IL1RAPL1: variants seen among roughly 807,000 people sequenced by gnomAD.
The protein encoded by IL1RAPL1 is interleukin 1 receptor accessory protein like 1.
In IL1RAPL1, 3 loss-of-function variants were observed where a neutral mutation model predicts 48.4. The ratio of observed to expected loss-of-function variants is 0.06; its 90% confidence interval spans 0.03 to 0.16. IL1RAPL1 has a LOEUF of 0.16. Among genes scored for constraint, IL1RAPL1 ranks in the 10% least tolerant of loss-of-function variants. IL1RAPL1 has a pLI of 1.00. For missense variants in IL1RAPL1, 349 were observed against 530.6 expected, an observed-to-expected ratio of 0.66 and a Z score of 3.36; for synonymous variants, 185 against 187.7, an observed-to-expected ratio of 0.99 and a Z score of 0.12.
intron 5 of IL1RAPL1, among the ~76,000 whole-genome samples, chrX:29,433,435 A>T (rs180773202): frequency 8.5e-4 from 95 of 111,116 alleles, no homozygotes; most frequent in African/African-American, 3.0e-3. Flanking sequence ...CGATTTTTAT[A>T]TTTTAAGTAA....
At chrX:29,625,275 A>G (rs1011765507) in intron 5 of IL1RAPL1, among the ~76,000 whole-genome samples, 38 of 111,969 alleles carry the variant, frequency 3.4e-4, no homozygotes, top group African/African-American at 1.2e-3. Flanking sequence ...GAAAAATGTA[A>G]GTCATCTGAA....
intron 2 of IL1RAPL1, among the ~76,000 whole-genome samples, chrX:28,802,388 G>A (rs767920104): frequency 8.9e-6 from 1 of 112,194 alleles, no homozygotes; most frequent in South Asian, 3.6e-4. Context: ...GCCTTAAGGC[G>A]ATGACAGTGA....
intron 6 of IL1RAPL1, among the ~76,000 whole-genome samples, chrX:29,758,703 AAAAAAT>A (rs1289122318): frequency 2.8e-5 from 3 of 106,096 alleles, no homozygotes; most frequent in Non-Finnish European, 5.8e-5. Flanking sequence ...CTCAAAAAAA[AAAAAAT>A]AATAATAATA....
chrX:29,834,237 T>C (rs1930941775), intron 6 of IL1RAPL1, among the ~76,000 whole-genome samples: 1 of 112,053 alleles, frequency 8.9e-6, no homozygotes, highest in South Asian at 3.8e-4. Flanking sequence ...TGCATTCTTA[T>C]TTTTTATTCT....
At chrX:29,747,166 A>G (rs1033939550) in intron 6 of IL1RAPL1, among the ~76,000 whole-genome samples, 3 of 111,663 alleles carry the variant, frequency 2.7e-5, no homozygotes, top group African/African-American at 9.7e-5. Context: ...TAGCTGTTTC[A>G]GAATTGAGAG....
intron 3 of IL1RAPL1, among the ~76,000 whole-genome samples, chrX:29,388,421 A>G (rs1309767861): frequency 8.9e-6 from 1 of 112,021 alleles, no homozygotes; most frequent in Non-Finnish European, 1.9e-5. Context: ...CAGCAATTCA[A>G]ATTCTAGATA....
At chrX:28,985,814 C>A (rs1016084925) in intron 2 of IL1RAPL1, among the ~76,000 whole-genome samples, 1 of 109,888 alleles carries the variant, frequency 9.1e-6, no homozygotes, top group Non-Finnish European at 1.9e-5. Flanking sequence ...CGCCCGCCAC[C>A]TCGCCCGGCT....
intron 5 of IL1RAPL1, among the ~76,000 whole-genome samples, chrX:29,617,137 T>C (rs1240796086): frequency 9.0e-6 from 1 of 111,231 alleles, no homozygotes; most frequent in African/African-American, 3.3e-5. Flanking sequence ...GATGCCAAGA[T>C]CGATTAGTGG....
intron 1 of IL1RAPL1, among the ~76,000 whole-genome samples, chrX:28,687,092 T>C (rs1237968407): frequency 8.9e-6 from 1 of 111,941 alleles, no homozygotes; most frequent in Non-Finnish European, 1.9e-5. Flanking sequence ...AATGTCTCTA[T>C]TTTGAGATGC....
intron 1 of IL1RAPL1, among the ~76,000 whole-genome samples, chrX:28,720,856 T>A (rs1345067253): frequency 9.0e-6 from 1 of 111,695 alleles, no homozygotes; most frequent in Non-Finnish European, 1.9e-5. Flanking sequence ...TGGTGTTTGG[T>A]TTTTTGTCCT....
intron 2 of IL1RAPL1, among the ~76,000 whole-genome samples, chrX:29,198,945 G>A (rs1033597324): frequency 3.6e-5 from 4 of 111,585 alleles, no homozygotes; most frequent in East Asian, 2.8e-4. Context: ...GGATAGTTGC[G>A]TTTTACTCTC....
At position 29,366,553 on chromosome X, in the gene IL1RAPL1, A is replaced by ATTTTT. The variant is rs34164964; in HGVS notation, c.363-29676_363-29672dup. Among the ~76,000 whole-genome samples the ATTTTT allele has an allele frequency of 1.1e-3, 42 of 37,261 alleles. 2 individuals carry two copies. The highest frequency in any genetic ancestry group is 3.4e-3 in the East Asian group (3 of 893). The allele number at this position is 37,261 out of a possible 115,157, so 32.4% of individuals were successfully genotyped here. ...GTTTTCTGATATTTTTGATAGGTCAATTTTTTTTTTTTTTTTTTTTTTTTT... is the reference window on the plus strand; with the variant it reads ...GTTTTCTGATATTTTTGATAGGTCAATTTTTTTTTTTTTTTTTTTTTTTTTTTTTT... On this transcript the variant is annotated intron_variant, in intron 3 of 10. Coordinates refer to ENST00000378993, the MANE Select transcript of IL1RAPL1 (RefSeq NM_014271.4).
rs925961300 is a variant in IL1RAPL1, at chrX:29,278,312, G to A, written c.83-4626G>A. 3.6e-5 allele frequency among the ~76,000 whole-genome samples: 4 copies of A among 111,797 alleles called. No individual in the cohort carries two copies. In the Admixed American group the frequency reaches 3.8e-4, roughly 11 times the overall value. ...TTCTTCATAGTACATCAGTAGTGAA[G>A]GAATTACTTCTGAATCTTAATTCCA... On this transcript the variant is annotated intron_variant, in intron 2 of 10. Transcript: ENST00000378993.
chrX:29,083,026 A>C lies in IL1RAPL1; in HGVS notation c.83-199912A>C, dbSNP rs188017515. Reference sequence around the variant, plus strand: ...TGCTAAATCCTTGATAGCTGTGGAAAAATAGCTGTCATAAATCACTGTCCT... The same window carrying C: ...TGCTAAATCCTTGATAGCTGTGGAACAATAGCTGTCATAAATCACTGTCCT... On this transcript the variant is annotated intron_variant, in intron 2 of 10. Transcript: ENST00000378993. Among the ~76,000 whole-genome samples, 436 of 111,946 alleles carry C rather than the reference A, an allele frequency of 3.9e-3. 4 individuals are homozygous for C. The highest frequency in any genetic ancestry group is 7.0e-3 in the Non-Finnish European group (375 of 53,231).
At position 29,330,359 on chromosome X, in the gene IL1RAPL1, T is replaced by C. The variant is rs370852603; in HGVS notation, c.362+47142T>C. 6.3e-5 allele frequency among the ~76,000 whole-genome samples: 7 copies of C among 111,458 alleles called. 1 individual carries two copies. The East Asian group carries it at 8.4e-4, about 13-fold the overall frequency. ...AGCATCTAAAACTCTGAACTTAATT[T>C]AGTGTTAAATTGTGCCCCTTCCCCG... On this transcript the variant is annotated intron_variant, in intron 3 of 10. Transcript: ENST00000378993.
At chrX:28,907,030 G>T (rs1923235847) in intron 2 of IL1RAPL1, among the ~76,000 whole-genome samples, 1 of 106,862 alleles carries the variant, frequency 9.4e-6, no homozygotes, top group Non-Finnish European at 1.9e-5. Flanking sequence ...AAGTAACCAG[G>T]TTTTTTTTTT....
intron 2 of IL1RAPL1, among the ~76,000 whole-genome samples, chrX:28,949,019 T>C (rs1218060810): frequency 9.0e-6 from 1 of 111,018 alleles, no homozygotes; most frequent in African/African-American, 3.3e-5. Flanking sequence ...GGATCACTAC[T>C]ATATTATTGT....
intron 5 of IL1RAPL1, among the ~76,000 whole-genome samples, chrX:29,585,670 A>G (rs1479215375): frequency 9.0e-6 from 1 of 111,538 alleles, no homozygotes; most frequent in Non-Finnish European, 1.9e-5. Flanking sequence ...TTTCTCCACA[A>G]CCTTGCCAAC....
At chrX:29,907,656 AT>A (rs1932664862) in intron 6 of IL1RAPL1, among the ~76,000 whole-genome samples, 1 of 111,868 alleles carries the variant, frequency 8.9e-6, no homozygotes, top group African/African-American at 3.2e-5. Flanking sequence ...TTTAAAATAC[AT>A]TTTGCTCTTT....
Sources: allele counts gnomAD v4.1 joint callset (sites outside exome capture counted in the v4.1 genomes callset), GRCh38; gene constraint gnomAD v4.1.1; transcripts MANE v1.5; gene names NCBI Gene and HGNC (gene_info 2026-07-23, HGNC 2026-07-21).